SRCIN1: variants seen among roughly 807,000 people sequenced by gnomAD.
The protein encoded by SRCIN1 is P130Cas-associated protein.
In SRCIN1, 50 loss-of-function variants were observed where a neutral mutation model predicts 116.2. The ratio of observed to expected loss-of-function variants is 0.43; its 90% CI spans 0.34 to 0.54. The LOEUF (loss-of-function observed/expected upper bound fraction) is 0.54. SRCIN1 is among the 20% of genes least tolerant of loss of function. The pLI is 0.02. For missense variants in SRCIN1, 1,446 were observed against 1,672.0 expected, an observed-to-expected ratio of 0.86 and a Z score of 2.36; for synonymous variants, 736 against 750.0, an observed-to-expected ratio of 0.98 and a Z score of 0.30.
rs1906254756 is a variant in SRCIN1, at chr17:38,561,661, C to A, written c.1502G>T (p.Arg501Leu). ...PHSPYSGPPS[R>L]GSPVRQSFRK... ...GAAGGACTGGCGCACTGGCGAGCCGCGGCTGGGCGGCCCCGAGTAGGGGCT... is the reference window on the plus strand; with the variant it reads ...GAAGGACTGGCGCACTGGCGAGCCGAGGCTGGGCGGCCCCGAGTAGGGGCT... The change falls in exon 7 of 19, where the codon CGC becomes CTC. Residue 501 changes from arginine (R) to leucine (L), a missense_variant. By Grantham distance (102) the Arg-to-Leu change is moderately radical. This residue lies in a region of SRCIN1 where 398 missense variants were observed against 385.6 expected (regional missense o/e 1.03). Transcript: ENST00000617146. 6.4e-7 allele frequency: 1 copy of A among 1,556,932 alleles called. No individual in the cohort carries two copies. Among genetic ancestry groups the A allele is most frequent in the Non-Finnish European group, 8.7e-7 (1 of 1,152,504 alleles).
intron 8 of SRCIN1, 66 bp downstream of exon 8, chr17:38,560,267 G>A (rs760071993): frequency 6.0e-6 from 9 of 1,507,230 alleles, no homozygotes; most frequent in Non-Finnish European, 7.2e-6. Flanking sequence ...CAGAGCCGAT[G>A]CCCATTTCCC....
chr17:38,561,941 G>A lies in SRCIN1; in HGVS notation c.1222C>T (p.Leu408=), dbSNP rs1304097107. ...TCGCCGGCGGCCGCGGCCAGGCTCA[G>A]ACGGCCCTCGTGCAGCAGCCCGTAG... ...DPYGLLHEGR[L]SLAAAAGDPF... The change falls in exon 7 of 19, where the codon CTG becomes TTG. Residue 408 remains leucine, a synonymous_variant. Transcript: ENST00000617146. The A allele has an allele frequency of 1.4e-6, 2 of 1,463,930 alleles. No individual in the cohort carries two copies. Among genetic ancestry groups the A allele is most frequent in the Admixed American group, 2.8e-5 (1 of 35,702 alleles). The allele number at this position is 1,463,930 out of a possible 1,614,324, so 90.7% of individuals were successfully genotyped here. A position where few individuals can be genotyped will look rare whatever the true frequency, so the allele number is the denominator to read the frequency against.
At chr17:38,550,473 G>A (rs759794077) in intron 15 of SRCIN1, among the ~76,000 whole-genome samples, 20 of 151,994 alleles carry the variant, frequency 1.3e-4, no homozygotes, top group Non-Finnish European at 2.2e-4. Flanking sequence ...CAGCCTGGGC[G>A]ACAGAGACAG....
chr17:38,537,587 C>T (rs1257144873), intron 18 of SRCIN1, among the ~76,000 whole-genome samples: 8 of 151,758 alleles, frequency 5.3e-5, no homozygotes, highest in Admixed American at 5.3e-4. Flanking sequence ...GTCAGGAGAT[C>T]GAGACCATCC....
chr17:38,555,561 A>T (rs1228987362), intron 11 of SRCIN1, among the ~76,000 whole-genome samples: 1 of 152,224 alleles, frequency 6.6e-6, no homozygotes, highest in Non-Finnish European at 1.5e-5. Flanking sequence ...TTAATTAGCT[A>T]TCCTAAGACT....
In SRCIN1 at chr17:38,595,316, C is replaced by T. The variant is rs985751632; in HGVS notation, c.22+10368G>A. 4.6e-5 allele frequency among the ~76,000 whole-genome samples: 7 copies of T among 152,224 alleles called. No individual in the cohort carries two copies. In the East Asian group the frequency reaches 5.8e-4, roughly 13 times the overall value. ...CACTGCAACCTCTGCTTCCCGGGTT[C>T]GAGCAATTCTCCTGCCTCAGCTTCC... On this transcript the variant is annotated intron_variant, in intron 1 of 18. Transcript: ENST00000617146.
chr17:38,588,595 T>C (rs532591954), intron 1 of SRCIN1, among the ~76,000 whole-genome samples: 1 of 152,302 alleles, frequency 6.6e-6, no homozygotes, highest in African/African-American at 2.4e-5. Context: ...CCAGGGCGTC[T>C]TCTCCCCAGG....
chr17:38,546,787 A>G, intron 17 of SRCIN1: 1 of 154,384 alleles, frequency 6.5e-6, no homozygotes, highest in Non-Finnish European at 1.4e-5. Context: ...CCCGCCAGGA[A>G]ACCAAAGCGC....
rs192909452 is a variant in SRCIN1 at position 38,541,129 on chromosome 17, C to T, written c.3417+2694G>A. Among the ~76,000 whole-genome samples the T allele has an allele frequency of 2.0e-5, 3 of 151,900 alleles. No individual in the cohort carries two copies. In the East Asian group the frequency reaches 5.8e-4, roughly 29 times the overall value. ...TGGTGGGCGCCTGTAATCCCAGCTA[C>T]TCGGGAGGCTGAGACAGGAGAATCC... On this transcript the variant is annotated intron_variant, in intron 18 of 18. Coordinates refer to ENST00000617146, the MANE Select transcript of SRCIN1 (RefSeq NM_025248.3).
chr17:38,566,909 C>G (rs905749016), intron 3 of SRCIN1, among the ~76,000 whole-genome samples: 8 of 151,458 alleles, frequency 5.3e-5, no homozygotes, highest in Non-Finnish European at 1.2e-4. Context: ...TTCTTTCCTT[C>G]CTTCCTTCCT....
rs1021225831 is a variant in SRCIN1 at position 38,604,246 on chromosome 17, G to C, written c.22+1438C>G. ...AGGAACATTCAGGCCCACAAACCTG[G>C]AAGTCTGGTCAGCTTCCCTCACTCC... On this transcript the variant is annotated intron_variant, in intron 1 of 18. Transcript: ENST00000617146. This position sits in a 1 kb window ranked among gnomAD's most constrained non-coding sequence, Gnocchi z 4.3. 2.0e-5 allele frequency among the ~76,000 whole-genome samples: 3 copies of C among 152,176 alleles called. No homozygotes were observed. The highest frequency in any genetic ancestry group is 2.0e-4 in the Admixed American group (3 of 15,276).
At chr17:38,595,681 A>G (rs1051211141) in intron 1 of SRCIN1, among the ~76,000 whole-genome samples, 3 of 148,962 alleles carry the variant, frequency 2.0e-5, no homozygotes, top group Non-Finnish European at 4.5e-5. Context: ...GCTTCCCCCC[A>G]TAAGAGGTGC....
intron 1 of SRCIN1, among the ~76,000 whole-genome samples, chr17:38,593,191 G>A (rs1223603511): frequency 6.6e-6 from 1 of 152,170 alleles, no homozygotes; most frequent in Non-Finnish European, 1.5e-5. Context: ...GGAGGAGCAG[G>A]AATGGGAGGT....
Position 38,563,924 on chromosome 17 carries a change from AAG to A in SRCIN1, c.541+192_541+193del. 1 of 640,722 alleles carries A rather than the reference AAG, an allele frequency of 1.6e-6. No individual in the cohort carries two copies. The highest frequency in any genetic ancestry group is 2.7e-5 in the East Asian group (1 of 36,570). 39.7% of individuals were successfully genotyped at this position (640,722 alleles called of 1,614,324 possible). A position where few individuals can be genotyped will look rare whatever the true frequency, so the allele number is the denominator to read the frequency against. ...GAGGGAGAGAGGAGGCTTGGAGGGAAAGGGGTCGGGTGGGGATGCTGAGGGCG... is the reference window on the plus strand; with the variant it reads ...GAGGGAGAGAGGAGGCTTGGAGGGAAGGGTCGGGTGGGGATGCTGAGGGCG... On this transcript the variant is annotated intron_variant, in intron 4 of 18. Transcript: ENST00000617146. The surrounding 1 kb of genome is among the most constrained non-coding windows in gnomAD (Gnocchi z 5.8).
chr17:38,589,848 C>G (rs1369340466), intron 1 of SRCIN1, among the ~76,000 whole-genome samples: 1 of 152,178 alleles, frequency 6.6e-6, no homozygotes, highest in Non-Finnish European at 1.5e-5. Flanking sequence ...TTCTCTCTCC[C>G]TAGGGACACC....
In SRCIN1 at chr17:38,560,554, G is replaced by A. The variant is rs752872063; in HGVS notation, c.1701-129C>T. 5.4e-6 allele frequency: 4 copies of A among 739,112 alleles called. No individual in the cohort carries two copies. In the African/African-American group the frequency reaches 7.0e-5, roughly 13 times the overall value. 45.8% of individuals were successfully genotyped at this position (739,112 alleles called of 1,614,324 possible). ...CCCTGGCTGCCAAAACACAGACAAC[G>A]CAAAGGGCCCCAATGCCTAAGGATC... On this transcript the variant is annotated intron_variant, in intron 7 of 18. Transcript: ENST00000617146.
At chr17:38,551,645 T>C in intron 14 of SRCIN1, 3 of 665,382 alleles carry the variant, frequency 4.5e-6, no homozygotes, top group Non-Finnish European at 7.6e-6. Context: ...TTTCACTGAC[T>C]ACATAGTCTA....
rs1260099476 is a variant in SRCIN1, at chr17:38,544,114, C to T, written c.3271-145G>A. 3 of 1,008,724 alleles carry T rather than the reference C, an allele frequency of 3.0e-6. No homozygotes were observed. Among genetic ancestry groups the T allele is most frequent in the Admixed American group, 2.9e-5 (1 of 34,108 alleles). 62.5% of individuals were successfully genotyped at this position (1,008,724 alleles called of 1,614,324 possible). A position where few individuals can be genotyped will look rare whatever the true frequency, so the allele number is the denominator to read the frequency against. ...GGAGACCCCTCTCTAGCTCCACACC[C>T]GAGTCCAGAACCCAGGTCCACCCTC... On this transcript the variant is annotated intron_variant, in intron 17 of 18. Transcript: ENST00000617146. This position sits in a 1 kb window ranked among gnomAD's most constrained non-coding sequence, Gnocchi z 4.5.
rs773278148 is a variant in SRCIN1 at position 38,559,685 on chromosome 17, G to A, written c.1925C>T (p.Pro642Leu). Residue 642 changes from proline (P) to leucine (L), a missense_variant, in exon 10 of 19, where the codon CCT becomes CTT. Pro to Leu is a moderately conservative substitution (Grantham distance 98, BLOSUM62 -3). This residue lies in a region of SRCIN1 where 398 missense variants were observed against 385.6 expected (regional missense o/e 1.03). Coordinates refer to ENST00000617146, the MANE Select transcript of SRCIN1 (RefSeq NM_025248.3). ...PSASSTPAGQPTAVSRLQMQL... is the reference protein window; with the variant it reads ...PSASSTPAGQLTAVSRLQMQL... ...CATCTGCAGCCGGCTAACGGCGGTA[G>A]GCTGACCTGCGGGGGTGCTGCTGGC... 6.3e-7 allele frequency: 1 copy of A among 1,598,030 alleles called. No homozygotes were observed. The highest frequency in any genetic ancestry group is 2.2e-5 in the East Asian group (1 of 44,700).
Sources: allele counts gnomAD v4.1 joint callset (sites outside exome capture counted in the v4.1 genomes callset), GRCh38; gene constraint gnomAD v4.1.1; regional missense constraint gnomAD v4.1.1; non-coding constraint Gnocchi (gnomAD v3.1); transcripts MANE v1.5; gene names NCBI Gene and HGNC (gene_info 2026-07-23, HGNC 2026-07-21).